The following ITIH4 variants were observed in gnomAD, a reference collection of about 807,000 sequenced individuals.
ITIH4 encodes inter-alpha-trypsin inhibitor heavy chain 4, also known as inter-alpha-trypsin inhibitor heavy chain H4.
A neutral mutation model predicts 111.8 loss-of-function variants in ITIH4; 79 were observed. That is an observed-to-expected ratio of 0.71 (90% CI 0.59 to 0.85). ITIH4 has a LOEUF of 0.85. ITIH4 is among the 40% of genes least tolerant of loss of function. The pLI is 0.00. For synonymous variants in ITIH4, 472 were observed against 468.3 expected (o/e 1.01, Z -0.10); for missense variants, 1,065 against 1,195.8 (o/e 0.89, Z 1.61).
intron 17 of ITIH4, 127 bp downstream of exon 17, chr3:52,819,266 T>A (rs2154111297): frequency 9.7e-7 from 1 of 1,029,614 alleles, no homozygotes; most frequent in Admixed American, 2.5e-5. Context: ...TTACTTCACA[T>A]CGTGCCCTCA....
chr3:52,818,127 GC>G lies in ITIH4; in HGVS notation c.2220del (p.Gln741ArgfsTer17). ...TCCACACAGAGCCGCTCCACACTCT[GC>G]CCAGGCAGTGGCAGGATGGCAGAGG... ...QAPSAILPLP[G>X]QSVERLCVDP... On this transcript the variant is annotated frameshift_variant, in exon 20 of 24. Coordinates refer to ENST00000266041, the MANE Select transcript of ITIH4 (RefSeq NM_002218.5). LOFTEE classifies it high-confidence loss of function. 6.2e-7 allele frequency: 1 copy of G among 1,613,712 alleles called. No individual in the cohort carries two copies. The highest frequency in any genetic ancestry group is 8.5e-7 in the Non-Finnish European group (1 of 1,179,814).
chr3:52,815,558 T>C (rs930842219), intron 21 of ITIH4, among the ~76,000 whole-genome samples: 2 of 152,142 alleles, frequency 1.3e-5, no homozygotes, highest in Non-Finnish European at 2.9e-5. Context: ...TCTTTATGTC[T>C]TCTGTAGCTC....
At chr3:52,819,350 C>A (rs373789506) in intron 17 of ITIH4, 43 bp downstream of exon 17, 7 of 1,612,196 alleles carry the variant, frequency 4.3e-6, no homozygotes, top group African/African-American at 1.3e-5. Flanking sequence ...TCAAGGACCA[C>A]CGTGGGAAAC....
chr3:52,819,720 T>C (rs2154111317), intron 16 of ITIH4, 34 bp downstream of exon 16: 1 of 1,609,016 alleles, frequency 6.2e-7, no homozygotes, highest in South Asian at 1.1e-5. Context: ...CCCAGGGATG[T>C]CATGCCTCCC....
chr3:52,815,260 T>C (rs559466857), intron 21 of ITIH4, among the ~76,000 whole-genome samples: 38 of 151,802 alleles, frequency 2.5e-4, no homozygotes, highest in Admixed American at 1.4e-3. Flanking sequence ...TTTTTTTTTT[T>C]TGAGACGGAG....
rs548212389 is a variant in ITIH4 at position 52,825,964 on chromosome 3, C to T, written c.681G>A (p.Glu227=). Residue 227 remains glutamate (E), a synonymous_variant, in exon 6 of 24, where the codon GAG becomes GAA. Coordinates refer to ENST00000266041, the MANE Select transcript of ITIH4 (RefSeq NM_002218.5). Reference sequence around the variant, plus strand: ...TGCCGTCCAGGACTGTTTCTTGCTGCTCTGGGGACTTTTGCTGCTGGGAAA... The same window carrying T: ...TGCCGTCCAGGACTGTTTCTTGCTGTTCTGGGGACTTTTGCTGCTGGGAAA... ...PTLSQQQKSP[E]QQETVLDGNL... is the part of the protein sequence containing the mutation. 6.2e-6 allele frequency: 10 copies of T among 1,614,188 alleles called. No individual in the cohort carries two copies. In the African/African-American group the frequency reaches 6.7e-5, roughly 11 times the overall value.
chr3:52,818,132 G>A lies in ITIH4; in HGVS notation c.2216C>T (p.Pro739Leu). 2 of 1,613,666 alleles carry A rather than the reference G, an allele frequency of 1.2e-6. No homozygotes were observed. The highest frequency in any genetic ancestry group is 1.1e-5 in the South Asian group (1 of 91,044). Residue 739 changes from proline to leucine, a missense_variant, in exon 20 of 24, where the codon CCT (proline) becomes CTT (leucine). Pro to Leu is a moderately conservative substitution (Grantham distance 98). Coordinates refer to ENST00000266041, the MANE Select transcript of ITIH4 (RefSeq NM_002218.5). Reference protein sequence around the residue: ...IQAPSAILPLPGQSVERLCVD... With the variant: ...IQAPSAILPLLGQSVERLCVD... ...ACAGAGCCGCTCCACACTCTGCCCAGGCAGTGGCAGGATGGCAGAGGGAGC... is the reference window on the plus strand; with the variant it reads ...ACAGAGCCGCTCCACACTCTGCCCAAGCAGTGGCAGGATGGCAGAGGGAGC...
intron 2 of ITIH4, 81 bp from the exon 3 acceptor site, chr3:52,827,278 T>C: frequency 8.9e-7 from 1 of 1,124,532 alleles, no homozygotes; most frequent in Non-Finnish European, 1.4e-6. Context: ...AGAGCCTTTC[T>C]GGACTCGGTG....
At position 52,827,170 on chromosome 3, in the gene ITIH4, C is replaced by A; in HGVS notation, c.279G>T (p.Gly93=). 1 of 1,614,136 alleles carries A rather than the reference C, an allele frequency of 6.2e-7. No individual in the cohort carries two copies. The highest frequency in any genetic ancestry group is 8.5e-7 in the Non-Finnish European group (1 of 1,180,008). ...SMIIDGMTYP[G]IIKEKAEAQA... is the part of the protein sequence containing the mutation. ...GGGCTTCAGCCTTCTCCTTGATGAT[C>A]CCTGGGTAGGTCATGCCATCGATGA... The change falls in exon 3 of 24, where the codon GGG becomes GGT. Residue 93 remains glycine, a synonymous_variant. Transcript: ENST00000266041.
Position 52,823,884 on chromosome 3 carries a change from A to G in ITIH4, c.1292T>C (p.Leu431Pro), listed in dbSNP as rs776777589. 6.2e-7 allele frequency: 1 copy of G among 1,613,828 alleles called. No homozygotes were observed. The highest frequency in any genetic ancestry group is 2.2e-5 in the East Asian group (1 of 44,872). The change falls in exon 10 of 24, where the codon CTG becomes CCG. Residue 431 changes from leucine (L) to proline (P), a missense_variant. Coordinates refer to ENST00000266041, the MANE Select transcript of ITIH4 (RefSeq NM_002218.5). Reference protein sequence around the residue: ...VSYAFLEKLALDNGGLARRIH... With the variant: ...VSYAFLEKLAPDNGGLARRIH... The stretch of plus-strand genomic sequence containing the variant: ...GCGCCGGGCCAGGCCGCCATTGTCC[A>G]GTGCCAGCTTCTCCAGGAAGGCATA...
rs374127294 is a variant in ITIH4 at position 52,819,351 on chromosome 3, C to T, written c.2077+42G>A. On this transcript the variant is annotated intron_variant, in intron 17 of 23. Transcript: ENST00000266041. ...TCTATGGGGCAGGCTCAAGGACCAC[C>T]GTGGGAAACCGAGGCCCTCGCAGGG... 4.9e-4 allele frequency: 785 copies of T among 1,612,148 alleles called. 8 individuals are homozygous for T. In the South Asian group the frequency reaches 8.0e-3, roughly 16 times the overall value.
chr3:52,818,174 A>G lies in ITIH4; in HGVS notation c.2180-6T>C. On this transcript the variant is annotated splice_polypyrimidine_tract_variant and splice_region_variant and intron_variant, in intron 19 of 23. Coordinates refer to ENST00000266041, the MANE Select transcript of ITIH4 (RefSeq NM_002218.5). ...AGAGGGAGCCTGTATGGGGGCTGGG[A>G]CAGCCGGGGCACGGCTCCTGGAGCA... 1.2e-6 allele frequency: 2 copies of G among 1,607,974 alleles called. No individual in the cohort carries two copies. Among genetic ancestry groups the G allele is most frequent in the Non-Finnish European group, 1.7e-6 (2 of 1,175,912 alleles).
chr3:52,826,998 G>A, intron 3 of ITIH4, 45 bp from the exon 4 acceptor site: 1 of 1,613,364 alleles, frequency 6.2e-7, no homozygotes, highest in Non-Finnish European at 8.5e-7. Flanking sequence ...GACAGGTGGG[G>A]TAAGGCTGGT....
intron 20 of ITIH4, 54 bp from the exon 21 acceptor site, chr3:52,817,112 C>G: frequency 6.6e-7 from 1 of 1,510,726 alleles, no homozygotes; most frequent in Non-Finnish European, 9.1e-7. Flanking sequence ...GGTCTGACAC[C>G]GACCTGCATG....
intron 13 of ITIH4, 126 bp downstream of exon 13, chr3:52,820,505 G>A: frequency 7.9e-7 from 1 of 1,262,634 alleles, no homozygotes; most frequent in Non-Finnish European, 1.1e-6. Context: ...TGAATAGGCT[G>A]AATCTCCCAG....
At chr3:52,820,428 C>T in intron 13 of ITIH4, 111 bp from the exon 14 acceptor site, 1 of 1,285,046 alleles carries the variant, frequency 7.8e-7, no homozygotes, top group Middle Eastern at 1.8e-4. Flanking sequence ...GCTACCCAAT[C>T]CTGGACTATA....
intron 4 of ITIH4, 65 bp downstream of exon 4, chr3:52,826,726 G>T (rs903423151): frequency 1.1e-5 from 18 of 1,611,828 alleles, no homozygotes; most frequent in Non-Finnish European, 1.2e-5. Flanking sequence ...GGGACAAAGA[G>T]GGGCCGCCCT....
chr3:52,824,086 C>T lies in ITIH4; in HGVS notation c.1172-82G>A, dbSNP rs1700442034. The T allele has an allele frequency of 4.5e-6, 7 of 1,561,452 alleles. No individual in the cohort carries two copies. The highest frequency in any genetic ancestry group is 1.2e-5 in the South Asian group (1 of 84,144). ...TTCTGGAACCTCAGAGCCGAGGGGC[C>T]TCAGTGACCCCCTCTCCCTGCCCAG... On this transcript the variant is annotated intron_variant, in intron 9 of 23. Coordinates refer to ENST00000266041, the MANE Select transcript of ITIH4 (RefSeq NM_002218.5). The surrounding 1 kb of genome is among the most constrained non-coding windows in gnomAD (Gnocchi z 4.3).
intron 21 of ITIH4, among the ~76,000 whole-genome samples, chr3:52,816,092 C>A (rs1415754031): frequency 2.0e-5 from 3 of 152,212 alleles, no homozygotes; most frequent in Admixed American, 6.5e-5. Context: ...CTTGGTGAGA[C>A]AGGGCTGGAC....
Sources: allele counts gnomAD v4.1 joint callset (sites outside exome capture counted in the v4.1 genomes callset), GRCh38; gene constraint gnomAD v4.1.1; non-coding constraint Gnocchi (gnomAD v3.1); transcripts MANE v1.5; gene names NCBI Gene and HGNC (gene_info 2026-07-23, HGNC 2026-07-21).